The following CCDC102B variants were observed in gnomAD, a reference collection of about 807,000 sequenced individuals.
The protein encoded by CCDC102B is coiled-coil domain containing 102B.
Under a neutral mutation model 57.4 loss-of-function variants are expected in CCDC102B, and 75 were observed. That is an observed-to-expected ratio of 1.31 (90% confidence interval 1.08 to 1.58). The LOEUF (loss-of-function observed/expected upper bound fraction) is 1.58, where lower values mean the gene tolerates loss of function less well. CCDC102B is among the 40% of genes most tolerant of loss of function. The pLI, the probability that CCDC102B is intolerant of heterozygous loss-of-function variation, is 0.00. For synonymous variants in CCDC102B, 206 were observed against 201.9 expected, an observed-to-expected ratio of 1.02 and a Z score of -0.17; for missense variants, 636 against 582.6, an observed-to-expected ratio of 1.09 and a Z score of -0.94.
chr18:68,767,801 A>T (rs1053381182), intron 2 of CCDC102B, among the ~76,000 whole-genome samples: 3 of 152,176 alleles, frequency 2.0e-5, no homozygotes, highest in African/African-American at 7.2e-5. Flanking sequence ...CTTCCACAAA[A>T]TACATTTTAG....
At chr18:68,732,099 TAA>T (rs1174204919) in intron 2 of CCDC102B, among the ~76,000 whole-genome samples, 1 of 150,580 alleles carries the variant, frequency 6.6e-6, no homozygotes, top group Non-Finnish European at 1.5e-5. Flanking sequence ...ACTCAAACAT[TAA>T]AGTTCAGAAA....
At chr18:69,031,194 A>G (rs1403416719) in intron 7 of CCDC102B, among the ~76,000 whole-genome samples, 2 of 152,182 alleles carry the variant, frequency 1.3e-5, no homozygotes. Flanking sequence ...TATATTGTAG[A>G]AGAAATCATT....
intron 3 of CCDC102B, among the ~76,000 whole-genome samples, chr18:68,841,883 C>T (rs993614600): frequency 5.3e-5 from 8 of 152,102 alleles, no homozygotes; most frequent in Admixed American, 1.3e-4. Flanking sequence ...CAGGCTGTGC[C>T]ACCACGCCTG....
intron 2 of CCDC102B, among the ~76,000 whole-genome samples, chr18:68,759,938 C>A (rs1055601847): frequency 6.6e-6 from 1 of 152,006 alleles, no homozygotes; most frequent in East Asian, 1.9e-4. Flanking sequence ...GTTTCAGGGG[C>A]AGTCTGCATC....
At chr18:69,001,054 C>T (rs893913965) in intron 6 of CCDC102B, among the ~76,000 whole-genome samples, 3 of 152,148 alleles carry the variant, frequency 2.0e-5, no homozygotes, top group African/African-American at 7.2e-5. Context: ...CACTCAAATG[C>T]ACTGCAGTTC....
Position 68,733,508 on chromosome 18 carries a change from T to TATATATATATATATATATATATA in CCDC102B, c.-67+16914_-67+16915insATATATATATATATATATATATA, listed in dbSNP as rs1568222920. Reference sequence around the variant, plus strand: ...TATATATATATATATATATATATATTTTTTTAACTTAAGCATGCTTTAAGA... The same window carrying TATATATATATATATATATATATA: ...TATATATATATATATATATATATATTATATATATATATATATATATATATTTTTAACTTAAGCATGCTTTAAGA... On this transcript the variant is annotated intron_variant, in intron 2 of 3. Coordinates refer to the CCDC102B transcript ENST00000578970. Among the ~76,000 whole-genome samples the TATATATATATATATATATATATA allele has an allele frequency of 2.0e-3, 178 of 90,440 alleles. 7 individuals are homozygous for TATATATATATATATATATATATA. The highest frequency in any genetic ancestry group is 2.6e-3 in the East Asian group (7 of 2,666). 59.3% of individuals were successfully genotyped at this position (90,440 alleles called of 152,430 possible). A position where few individuals can be genotyped will look rare whatever the true frequency, so the allele number is the denominator to read the frequency against.
intron 1 of CCDC102B, among the ~76,000 whole-genome samples, chr18:68,814,304 T>C (rs1276529349): frequency 6.6e-6 from 1 of 152,194 alleles, no homozygotes; most frequent in Non-Finnish European, 1.5e-5. Context: ...TTTTCTTAAT[T>C]ACAGGCTTTG....
chr18:68,811,803 A>C (rs1859438517), intron 1 of CCDC102B, among the ~76,000 whole-genome samples: 1 of 152,166 alleles, frequency 6.6e-6, no homozygotes, highest in African/African-American at 2.4e-5. Context: ...CACGTGAAGC[A>C]CAGAGGACTG....
intron 2 of CCDC102B, among the ~76,000 whole-genome samples, chr18:68,758,865 G>A (rs1459059091): frequency 6.7e-6 from 1 of 150,084 alleles, no homozygotes; most frequent in Non-Finnish European, 1.5e-5. Flanking sequence ...AGTAAGAAAT[G>A]AGCAAAACAA....
intron 2 of CCDC102B, among the ~76,000 whole-genome samples, chr18:68,750,621 A>G (rs2033807627): frequency 6.6e-6 from 1 of 152,134 alleles, no homozygotes; most frequent in Non-Finnish European, 1.5e-5. Context: ...ATGCAGCTGT[A>G]AAAAACAATG....
At chr18:68,909,540 C>CA (rs1424567836) in intron 6 of CCDC102B, among the ~76,000 whole-genome samples, 2 of 152,108 alleles carry the variant, frequency 1.3e-5, no homozygotes, top group Non-Finnish European at 1.5e-5. Context: ...GGAAGCATCT[C>CA]AAACGATCAG....
chr18:68,872,762 T>G (rs2039289392), intron 4 of CCDC102B, among the ~76,000 whole-genome samples: 1 of 152,072 alleles, frequency 6.6e-6, no homozygotes, highest in Non-Finnish European at 1.5e-5. Flanking sequence ...CTATTCCTGT[T>G]TTTCTTGTTT....
At chr18:69,003,411 C>G (rs1236817130) in intron 6 of CCDC102B, among the ~76,000 whole-genome samples, 1 of 152,050 alleles carries the variant, frequency 6.6e-6, no homozygotes, top group African/African-American at 2.4e-5. Context: ...CTAGGAGAAA[C>G]AACGTTTATC....
intron 6 of CCDC102B, among the ~76,000 whole-genome samples, chr18:69,005,813 T>C (rs912738379): frequency 4.6e-5 from 7 of 151,714 alleles, no homozygotes; most frequent in Non-Finnish European, 8.9e-5. Flanking sequence ...AATATGTATA[T>C]ATATATATGC....
intron 2 of CCDC102B, among the ~76,000 whole-genome samples, chr18:68,740,633 C>T (rs1273482844): frequency 6.6e-6 from 1 of 152,120 alleles, no homozygotes; most frequent in Non-Finnish European, 1.5e-5. Flanking sequence ...AGGACCTTGG[C>T]CATTGCTGGC....
chr18:68,793,214 T>C (rs1445951448), upstream of CCDC102B, among the ~76,000 whole-genome samples: 1 of 152,212 alleles, frequency 6.6e-6, no homozygotes, highest in Non-Finnish European at 1.5e-5. Context: ...CAAAAAATTT[T>C]CAGTTGCTGA....
At chr18:68,966,305 C>T (rs578217272) in intron 6 of CCDC102B, among the ~76,000 whole-genome samples, 1 of 152,040 alleles carries the variant, frequency 6.6e-6, no homozygotes, top group Non-Finnish European at 1.5e-5. Context: ...GCCTTATCTC[C>T]CCAGACTGAG....
intron 7 of CCDC102B, among the ~76,000 whole-genome samples, chr18:69,032,416 G>A (rs988765753): frequency 1.3e-5 from 2 of 152,116 alleles, no homozygotes; most frequent in African/African-American, 4.8e-5. Flanking sequence ...TTCCTTTGGT[G>A]TTGGACAATA....
intron 2 of CCDC102B, among the ~76,000 whole-genome samples, chr18:68,733,508 T>TATATATATATATATATATA (rs1568222920): frequency 0.016 from 1,464 of 90,194 alleles, 70 homozygotes; most frequent in African/African-American, 0.025. Context: ...ATATATATAT[T>TATATATATATATATATATA]TTTTTAACTT....
Sources: allele counts gnomAD v4.1 joint callset (sites outside exome capture counted in the v4.1 genomes callset), GRCh38; gene constraint gnomAD v4.1.1; transcripts MANE v1.5; gene names NCBI Gene and HGNC (gene_info 2026-07-23, HGNC 2026-07-21).